MAF: variants seen among roughly 807,000 people sequenced by gnomAD.
The protein encoded by MAF is transcription factor Maf.
A neutral mutation model predicts 22.0 loss-of-function variants in MAF; 10 were observed. The ratio of observed to expected loss-of-function variants is 0.45; its 90% confidence interval spans 0.28 to 0.77. The LOEUF (loss-of-function observed/expected upper bound fraction) is 0.77. MAF is among the 30% of genes least tolerant of loss of function. MAF has a pLI of 0.12. For missense variants in MAF, 544 were observed against 548.4 expected (o/e 0.99, Z 0.08); for synonymous variants, 337 against 255.8 (o/e 1.32, Z -3.03).
chr16:79,476,843 T>C, the MAF span, among the ~76,000 whole-genome samples: 1 of 152,202 alleles, frequency 6.6e-6, no homozygotes, highest in African/African-American at 2.4e-5. Flanking sequence ...CCTTGGTGTC[T>C]CCATCACTGA....
chr16:79,248,020 G>C, the MAF span, among the ~76,000 whole-genome samples: 1 of 152,082 alleles, frequency 6.6e-6, no homozygotes, highest in Admixed American at 6.6e-5. Flanking sequence ...TTACTAAACT[G>C]AGTGACTCCT....
At chr16:79,462,476 C>T in the MAF span, among the ~76,000 whole-genome samples, 3 of 152,268 alleles carry the variant, frequency 2.0e-5, no homozygotes, top group African/African-American at 4.8e-5. Context: ...TCTTACCCCA[C>T]CTAACAATTC....
downstream of MAF, chr16:79,585,700 C>G: frequency 1.8e-6 from 1 of 543,638 alleles, no homozygotes; most frequent in Non-Finnish European, 3.2e-6. Context: ...CACCTAGTGT[C>G]ACCATTTACA....
chr16:79,206,467 TACTA>T, the MAF span: 2 of 152,200 alleles, frequency 1.3e-5, no homozygotes, highest in African/African-American at 4.8e-5. Flanking sequence ...TAAATGGAAA[TACTA>T]ACTGTCCCTG....
chr16:79,309,816 C>T, the MAF span, among the ~76,000 whole-genome samples: 2 of 152,162 alleles, frequency 1.3e-5, no homozygotes, highest in African/African-American at 4.8e-5. Context: ...ATTGAGAAAA[C>T]TTTGCTGTAC....
At chr16:79,378,209 C>A in the MAF span, among the ~76,000 whole-genome samples, 256 of 152,148 alleles carry the variant, frequency 1.7e-3, 4 homozygotes, top group Middle Eastern at 6.8e-3. Context: ...TGCAGCAGTA[C>A]GGCAACTGAA....
At chr16:79,361,316 A>G in the MAF span, among the ~76,000 whole-genome samples, 1 of 152,086 alleles carries the variant, frequency 6.6e-6, no homozygotes. Context: ...CTCTAGGTGT[A>G]CCCAGGAAGG....
chr16:79,382,588 C>A, the MAF span, among the ~76,000 whole-genome samples: 1 of 152,170 alleles, frequency 6.6e-6, no homozygotes, highest in African/African-American at 2.4e-5. Flanking sequence ...CCTGATCAGA[C>A]CCTGAACGCA....
chr16:79,378,281 A>G, the MAF span, among the ~76,000 whole-genome samples: 1 of 152,222 alleles, frequency 6.6e-6, no homozygotes, highest in East Asian at 1.9e-4. Context: ...ATGGAATACT[A>G]TACAGCAATG....
chr16:79,436,531 T>TCTTG, the MAF span, among the ~76,000 whole-genome samples: 2 of 152,214 alleles, frequency 1.3e-5, no homozygotes, highest in Admixed American at 6.5e-5. Context: ...AAAGTGCTTC[T>TCTTG]CTTGCTTTCT....
chr16:79,318,534 G>C, the MAF span, among the ~76,000 whole-genome samples: 1 of 152,152 alleles, frequency 6.6e-6, no homozygotes, highest in African/African-American at 2.4e-5. Context: ...CAGAAAAAGC[G>C]TTCCCGAAAC....
chr16:79,334,515 T>C, the MAF span, among the ~76,000 whole-genome samples: 1 of 152,174 alleles, frequency 6.6e-6, no homozygotes, highest in Non-Finnish European at 1.5e-5. Flanking sequence ...TACATGGGTG[T>C]AGACATGGAA....
chr16:79,420,292 A>C, the MAF span, among the ~76,000 whole-genome samples: 3 of 152,214 alleles, frequency 2.0e-5, no homozygotes, highest in African/African-American at 7.2e-5. Context: ...TGTGGGCACG[A>C]GGCCAACGTG....
chr16:79,397,763 G>A, the MAF span, among the ~76,000 whole-genome samples: 1 of 152,140 alleles, frequency 6.6e-6, no homozygotes, highest in Non-Finnish European at 1.5e-5. Context: ...GGCTCTAAGG[G>A]TAGAGCCCCC....
chr16:79,285,985 C>T, the MAF span, among the ~76,000 whole-genome samples: 4 of 152,274 alleles, frequency 2.6e-5, no homozygotes, highest in South Asian at 8.3e-4. Flanking sequence ...TACAGCACGA[C>T]AGTGTGTGTT....
chr16:79,544,469 T>C, the MAF span, among the ~76,000 whole-genome samples: 1 of 152,214 alleles, frequency 6.6e-6, no homozygotes, highest in African/African-American at 2.4e-5. Flanking sequence ...ATCATTATTT[T>C]TTTCCTATAA....
In MAF at chr16:79,599,319, G is replaced by GGGT. The variant is rs1216452326; in HGVS notation, c.581_583dup (p.His194dup). 4.1e-6 allele frequency: 4 copies of GGGT among 984,884 alleles called. No homozygotes were observed. Among genetic ancestry groups the GGGT allele is most frequent in the Non-Finnish European group, 4.8e-6 (4 of 831,258 alleles). The allele number at this position is 984,884 out of a possible 1,614,324, so 61.0% of individuals were successfully genotyped here. On this transcript the variant is annotated inframe_insertion, in exon 1 of 2. Coordinates refer to ENST00000326043, the MANE Select transcript of MAF (RefSeq NM_005360.5). Reference sequence around the variant, plus strand: ...CGCGGCGCCGGGCGCGCCGGCCGTCGGGTGGTGGTGGTGGCCGGCGGCGTG... The same window carrying GGGT: ...CGCGGCGCCGGGCGCGCCGGCCGTCGGGTGGTGGTGGTGGTGGCCGGCGGCGTG...
chr16:79,464,808 G>T, the MAF span, among the ~76,000 whole-genome samples: 1 of 152,122 alleles, frequency 6.6e-6, no homozygotes, highest in South Asian at 2.1e-4. Context: ...TCCAGGACAG[G>T]TTACAGCAGA....
the MAF span, among the ~76,000 whole-genome samples, chr16:79,321,309 C>T: frequency 9.2e-5 from 14 of 152,184 alleles, no homozygotes; most frequent in African/African-American, 1.7e-4. Flanking sequence ...GAATCCATCA[C>T]ACCTCAAGGT....
Sources: allele counts gnomAD v4.1 joint callset (sites outside exome capture counted in the v4.1 genomes callset), GRCh38; gene constraint gnomAD v4.1.1; transcripts MANE v1.5; gene names NCBI Gene and HGNC (gene_info 2026-07-23, HGNC 2026-07-21).